Variants in AQP8 observed in about 807,000 individuals in gnomAD.
The protein encoded by AQP8 is aquaporin 8, also known as aquaporin-8.
Under a neutral mutation model 26.1 loss-of-function variants are expected in AQP8, and 14 were observed. The observed-to-expected ratio is 0.54, with a 90% CI of 0.35 to 0.84. AQP8 has a LOEUF of 0.84. AQP8 is among the 40% of genes least tolerant of loss of function. The pLI is 0.01. For missense variants in AQP8, 301 were observed against 340.5 expected, an observed-to-expected ratio of 0.88 and a Z score of 0.91; for synonymous variants, 131 against 150.7, an observed-to-expected ratio of 0.87 and a Z score of 0.96.
chr16:25,219,759 A>G (rs1962532867), intron 2 of AQP8, among the ~76,000 whole-genome samples: 1 of 151,306 alleles, frequency 6.6e-6, no homozygotes, highest in East Asian at 1.9e-4. Context: ...CATGGAGGTC[A>G]GGCGCAGTGG....
chr16:25,224,560 G>C lies in AQP8; in HGVS notation c.586G>C (p.Val196Leu). The part of the protein sequence containing the change: ...APFSIGFAVT[V>L]DILAGGPVSG... ...GTTCTCCATCGGCTTTGCCGTCACC[G>C]TGGATATCCTGGCTGGGTGAGTGTC... is the stretch of plus-strand genomic sequence containing the variant. Residue 196 changes from valine to leucine, a missense_variant, in exon 4 of 6, where the codon GTG (valine) becomes CTG (leucine). Val to Leu is a conservative substitution (Grantham distance 32). Coordinates refer to ENST00000219660, the MANE Select transcript of AQP8 (RefSeq NM_001169.3). 1 of 1,611,838 alleles carries C rather than the reference G, an allele frequency of 6.2e-7. No homozygotes were observed. Among genetic ancestry groups the C allele is most frequent in the Non-Finnish European group, 8.5e-7 (1 of 1,179,918 alleles).
Position 25,227,886 on chromosome 16 carries a change from G to A in AQP8, c.738-558G>A, listed in dbSNP as rs549960517. On this transcript the variant is annotated intron_variant, in intron 5 of 5. Coordinates refer to ENST00000219660, the MANE Select transcript of AQP8 (RefSeq NM_001169.3). The stretch of plus-strand genomic sequence containing the variant: ...AGTGATCTGCCTCCCAAAGCGCTGG[G>A]TTACAGGCGTGAGCCACTGCACCCG... 6.6e-5 allele frequency among the ~76,000 whole-genome samples: 10 copies of A among 151,944 alleles called. No individual in the cohort carries two copies. The South Asian group carries it at 1.9e-3, about 28-fold the overall frequency.
At chr16:25,227,772 G>A (rs975099236) in intron 5 of AQP8, among the ~76,000 whole-genome samples, 1 of 152,100 alleles carries the variant, frequency 6.6e-6, no homozygotes, top group Admixed American at 6.5e-5. Context: ...ATAGGCATGA[G>A]CCACCGCGCC....
At chr16:25,219,013 A>G (rs1433433106) in intron 2 of AQP8, among the ~76,000 whole-genome samples, 1 of 151,486 alleles carries the variant, frequency 6.6e-6, no homozygotes, top group South Asian at 2.1e-4. Context: ...AACCTTTATC[A>G]CTTCTTAGCA....
intron 5 of AQP8, among the ~76,000 whole-genome samples, chr16:25,228,013 C>T (rs1330286791): frequency 6.6e-6 from 1 of 151,100 alleles, no homozygotes; most frequent in Non-Finnish European, 1.5e-5. Context: ...CGCCTGTAAT[C>T]CCAGCAGTTT....
Position 25,228,481 on chromosome 16 carries a change from A to G in AQP8, c.775A>G (p.Lys259Glu). The G allele has an allele frequency of 6.2e-7, 1 of 1,614,010 alleles. No individual in the cohort carries two copies. The highest frequency in any genetic ancestry group is 8.5e-7 in the Non-Finnish European group (1 of 1,179,948). Residue 259 changes from lysine (K) to glutamate (E), a missense_variant, in exon 6 of 6, where the codon AAG becomes GAG. Lys to Glu is a moderately conservative substitution (Grantham distance 56, BLOSUM62 1). Transcript: ENST00000219660. ...AGATGGGAAGACCCGCCTCATCCTG[A>G]AGGCTCGGTGAAGCAGAGCTCGTGG... ...IGDGKTRLIL[K>E]AR
intron 3 of AQP8, among the ~76,000 whole-genome samples, chr16:25,223,897 G>T (rs1302270103): frequency 6.6e-6 from 1 of 151,014 alleles, no homozygotes; most frequent in East Asian, 1.9e-4. Flanking sequence ...TGTGATCTCA[G>T]CTCACTGCAA....
At chr16:25,227,632 G>T (rs1240158517) in intron 5 of AQP8, among the ~76,000 whole-genome samples, 1 of 151,998 alleles carries the variant, frequency 6.6e-6, no homozygotes, top group Non-Finnish European at 1.5e-5. Context: ...GGGACTACAG[G>T]CGCCGCCACC....
At chr16:25,223,218 CCA>C (rs749866628) in intron 3 of AQP8, among the ~76,000 whole-genome samples, 3 of 152,212 alleles carry the variant, frequency 2.0e-5, no homozygotes, top group Non-Finnish European at 2.9e-5. Flanking sequence ...CCGACTGGAT[CCA>C]GAGTCCAGAA....
Position 25,216,996 on chromosome 16 carries a change from G to T in AQP8, c.-50G>T. ...AGAGTATCTTGCACAGCAGGTGCAG[G>T]TTTCCCAGCAGCTCAGGCAAGAGTC... On this transcript the variant is annotated 5_prime_UTR_variant, in exon 1 of 6. Transcript: ENST00000219660. 6.2e-7 allele frequency: 1 copy of T among 1,613,202 alleles called. No homozygotes were observed. Among genetic ancestry groups the T allele is most frequent in the Non-Finnish European group, 8.5e-7 (1 of 1,179,920 alleles).
intron 2 of AQP8, among the ~76,000 whole-genome samples, chr16:25,218,284 C>T (rs1449922336): frequency 1.3e-5 from 2 of 152,166 alleles, no homozygotes; most frequent in Admixed American, 6.5e-5. Context: ...GGTTTTCCCA[C>T]CTGGGTATGC....
At chr16:25,227,804 T>C (rs1962655251) in intron 5 of AQP8, among the ~76,000 whole-genome samples, 1 of 151,960 alleles carries the variant, frequency 6.6e-6, no homozygotes, top group Non-Finnish European at 1.5e-5. Flanking sequence ...TGTGATTTTT[T>C]TGGTAGAGAT....
chr16:25,228,403 A>G (rs759359008), intron 5 of AQP8, 41 bp from the exon 6 acceptor site: 6 of 1,605,494 alleles, frequency 3.7e-6, no homozygotes, highest in Non-Finnish European at 5.1e-6. Context: ...GCTGGGTCTC[A>G]CCTCCGGGGC....
At chr16:25,218,118 G>A (rs1035840294) in intron 2 of AQP8, among the ~76,000 whole-genome samples, 12 of 152,240 alleles carry the variant, frequency 7.9e-5, no homozygotes, top group Non-Finnish European at 1.3e-4. Flanking sequence ...TGGCTCCAGC[G>A]CTCAAATCCA....
intron 3 of AQP8, among the ~76,000 whole-genome samples, chr16:25,222,454 G>C (rs1271549877): frequency 1.3e-5 from 2 of 152,016 alleles, no homozygotes; most frequent in Non-Finnish European, 2.9e-5. Flanking sequence ...TGATCTTCCT[G>C]CCTTGGCCTC....
chr16:25,220,059 A>T (rs1044037222), intron 2 of AQP8, among the ~76,000 whole-genome samples: 2 of 151,848 alleles, frequency 1.3e-5, no homozygotes, highest in Non-Finnish European at 2.9e-5. Flanking sequence ...AAAACAAAAA[A>T]CAAATCAAAT....
chr16:25,224,188 T>C (rs1403204250), intron 3 of AQP8, among the ~76,000 whole-genome samples, 174 bp from the exon 4 acceptor site: 1 of 152,182 alleles, frequency 6.6e-6, no homozygotes, highest in Non-Finnish European at 1.5e-5. Context: ...TCACGCAGGG[T>C]CGCACAGTAA....
At chr16:25,224,266 T>G (rs1326403209) in intron 3 of AQP8, 96 bp from the exon 4 acceptor site, 1 of 1,160,154 alleles carries the variant, frequency 8.6e-7, no homozygotes. Context: ...CTTCACTGGC[T>G]CTTAAGGTGG....
At chr16:25,221,671 G>A (rs1962564864) in intron 3 of AQP8, 88 bp downstream of exon 3, 2 of 1,494,150 alleles carry the variant, frequency 1.3e-6, no homozygotes, top group African/African-American at 1.4e-5. Context: ...GGACAGTGGG[G>A]AGTGGGGAAA....
Sources: gnomAD v4.1 joint callset for allele counts (sites outside exome capture counted in the v4.1 genomes callset) on GRCh38, gnomAD v4.1.1 for gene constraint, MANE v1.5 for transcripts, NCBI Gene and HGNC (gene_info 2026-07-23, HGNC 2026-07-21) for gene names.